PKP4: variants seen among roughly 807,000 people sequenced by gnomAD.
The protein encoded by PKP4 is plakophilin 4.
A neutral mutation model predicts 145.1 loss-of-function variants in PKP4; 90 were observed. That is an observed-to-expected ratio of 0.62 (90% CI 0.52 to 0.74). The LOEUF (loss-of-function observed/expected upper bound fraction) is 0.74. Ranked by LOEUF, PKP4 falls within the 30% of genes least tolerant of loss-of-function variation. The pLI, the probability that PKP4 is intolerant of heterozygous loss-of-function variation, is 0.00. For missense variants in PKP4, 1,340 were observed against 1,482.7 expected (o/e 0.90, Z 1.58); for synonymous variants, 563 against 577.2 (o/e 0.98, Z 0.35).
intron 1 of PKP4, among the ~76,000 whole-genome samples, chr2:158,516,658 CT>C (rs764067744): frequency 3.0e-3 from 393 of 132,410 alleles, no homozygotes; most frequent in Middle Eastern, 3.7e-3. Context: ...ATATACTTTT[CT>C]TTTTTTTTTT....
At chr2:158,582,177 T>C (rs2048384513) in intron 3 of PKP4, among the ~76,000 whole-genome samples, 1 of 152,178 alleles carries the variant, frequency 6.6e-6, no homozygotes, top group African/African-American at 2.4e-5. Flanking sequence ...GTATTTAATA[T>C]TTTACTCATT....
chr2:158,679,851 A>G (rs1333723933), intron 21 of PKP4, among the ~76,000 whole-genome samples: 1 of 152,204 alleles, frequency 6.6e-6, no homozygotes, highest in Non-Finnish European at 1.5e-5. Context: ...TTCCTTTAAT[A>G]TTACAACTTA....
In PKP4 at chr2:158,508,366, C is replaced by CAA. The variant is rs747754927; in HGVS notation, c.-5-24793_-5-24792dup. ...GGGCAACAAGAGCAAAACTCCGTCT[C>CAA]AAAAAAAAAAAAAAAAAAAAAAGAA... On this transcript the variant is annotated intron_variant, in intron 1 of 21. Coordinates refer to ENST00000389759, the MANE Select transcript of PKP4 (RefSeq NM_003628.6). Among the ~76,000 whole-genome samples, 196 of 115,822 alleles carry CAA rather than the reference C, an allele frequency of 1.7e-3. 1 individual carries two copies. The highest frequency in any genetic ancestry group is 2.5e-3 in the Non-Finnish European group (139 of 55,402). The allele number at this position is 115,822 out of a possible 152,430, so 76.0% of individuals were successfully genotyped here. A position where few individuals can be genotyped will look rare whatever the true frequency, so the allele number is the denominator to read the frequency against.
At chr2:158,499,804 A>G (rs1696288795) in intron 1 of PKP4, among the ~76,000 whole-genome samples, 1 of 152,204 alleles carries the variant, frequency 6.6e-6, no homozygotes, top group Non-Finnish European at 1.5e-5. Flanking sequence ...CTGCCCATAG[A>G]TTTGTCTTAG....
intron 3 of PKP4, among the ~76,000 whole-genome samples, chr2:158,585,859 A>G (rs2048755138): frequency 6.7e-6 from 1 of 148,324 alleles, no homozygotes; most frequent in African/African-American, 2.5e-5. Flanking sequence ...AACCATCACC[A>G]CTACTTAATT....
chr2:158,581,545 G>A (rs1330407566), intron 3 of PKP4, among the ~76,000 whole-genome samples: 1 of 152,204 alleles, frequency 6.6e-6, no homozygotes, highest in Non-Finnish European at 1.5e-5. Flanking sequence ...CGTGGCAGTG[G>A]CATGAGGTTC....
At chr2:158,583,239 A>C (rs1235862080) in intron 3 of PKP4, among the ~76,000 whole-genome samples, 3 of 152,108 alleles carry the variant, frequency 2.0e-5, no homozygotes, top group Non-Finnish European at 4.4e-5. Flanking sequence ...TTGGGTTGAG[A>C]TTTCACTGGA....
intron 15 of PKP4, among the ~76,000 whole-genome samples, chr2:158,665,648 C>T (rs1336000947): frequency 2.6e-5 from 4 of 152,086 alleles, no homozygotes; most frequent in African/African-American, 7.2e-5. Context: ...ATTAAAGAAC[C>T]GTTTTCTAAC....
chr2:158,484,801 G>A (rs1044298558), intron 1 of PKP4, among the ~76,000 whole-genome samples: 5 of 152,188 alleles, frequency 3.3e-5, no homozygotes, highest in African/African-American at 1.2e-4. Context: ...AAGATTGCAT[G>A]GTTCTGTAAA....
At chr2:158,676,498 A>G (rs1340819351) in intron 19 of PKP4, among the ~76,000 whole-genome samples, 1 of 152,192 alleles carries the variant, frequency 6.6e-6, no homozygotes, top group East Asian at 1.9e-4. Context: ...CTCCAGCTTG[A>G]GAGTGAGCCC....
chr2:158,667,688 A>G (rs185883150), intron 16 of PKP4, among the ~76,000 whole-genome samples: 39 of 152,322 alleles, frequency 2.6e-4, no homozygotes, highest in Admixed American at 7.8e-4. Context: ...ATTGTTGCCC[A>G]GATTAACCTG....
intron 1 of PKP4, among the ~76,000 whole-genome samples, chr2:158,517,881 A>C (rs1574232896): frequency 6.6e-6 from 1 of 152,112 alleles, no homozygotes; most frequent in East Asian, 1.9e-4. Flanking sequence ...CCACCACTGC[A>C]TTCCAGCTGG....
intron 11 of PKP4, among the ~76,000 whole-genome samples, chr2:158,655,733 AC>A (rs2055849083): frequency 6.6e-6 from 1 of 152,228 alleles, no homozygotes; most frequent in Non-Finnish European, 1.5e-5. Flanking sequence ...ATTAGGAATC[AC>A]ATGTTATGAA....
chr2:158,593,997 G>A (rs1267086211), intron 3 of PKP4, among the ~76,000 whole-genome samples: 1 of 152,124 alleles, frequency 6.6e-6, no homozygotes, highest in African/African-American at 2.4e-5. Context: ...AATTGTAAAA[G>A]CACATTCTGA....
chr2:158,597,570 G>T (rs917876373), intron 3 of PKP4, among the ~76,000 whole-genome samples: 1 of 152,174 alleles, frequency 6.6e-6, no homozygotes, highest in Non-Finnish European at 1.5e-5. Flanking sequence ...GGTAATTCTG[G>T]AAGGATGATT....
At chr2:158,599,330 T>C (rs1236817546) in intron 3 of PKP4, among the ~76,000 whole-genome samples, 1 of 152,208 alleles carries the variant, frequency 6.6e-6, no homozygotes, top group Non-Finnish European at 1.5e-5. Context: ...GATAGCCATG[T>C]GTCAGATACT....
chr2:158,584,299 C>T (rs993021997), intron 3 of PKP4, among the ~76,000 whole-genome samples: 1 of 152,210 alleles, frequency 6.6e-6, no homozygotes, highest in East Asian at 1.9e-4. Context: ...ATGGTTTCCA[C>T]GTGCCAGCGG....
chr2:158,491,556 T>C (rs1694940940), intron 1 of PKP4, among the ~76,000 whole-genome samples: 1 of 152,096 alleles, frequency 6.6e-6, no homozygotes, highest in Non-Finnish European at 1.5e-5. Flanking sequence ...GGGGTTCTAA[T>C]CTTATGTTGA....
At position 158,675,111 on chromosome 2, in the gene PKP4, G is replaced by A. The variant is rs548751079; in HGVS notation, c.3127+1111G>A. Among the ~76,000 whole-genome samples the A allele has an allele frequency of 3.3e-5, 5 of 152,278 alleles. No homozygotes were observed. The East Asian group carries it at 9.6e-4, about 29-fold the overall frequency. ...CTGCTTTCTTTTAGAAAAATGCTCA[G>A]AACCTTTTAGGGTCTTGGGAATAGA... is the stretch of plus-strand genomic sequence containing the variant. On this transcript the variant is annotated intron_variant, in intron 19 of 21. Transcript: ENST00000389759.
Sources: allele counts gnomAD v4.1 joint callset (sites outside exome capture counted in the v4.1 genomes callset), GRCh38; gene constraint gnomAD v4.1.1; transcripts MANE v1.5; gene names NCBI Gene and HGNC (gene_info 2026-07-23, HGNC 2026-07-21).